RC3H2: variants seen among roughly 807,000 people sequenced by gnomAD.
RC3H2 encodes roquin-2.
In RC3H2, 31 loss-of-function variants were observed where a neutral mutation model predicts 133.3. The observed-to-expected ratio is 0.23, with a 90% CI of 0.17 to 0.31. RC3H2 has a LOEUF of 0.31. Among genes scored for constraint, RC3H2 ranks in the 10% least tolerant of loss-of-function variants. RC3H2 has a pLI of 1.00. For synonymous variants in RC3H2, 517 were observed against 502.2 expected (o/e 1.03, Z -0.40); for missense variants, 1,175 against 1,437.2 (o/e 0.82, Z 2.95).
chr9:122,865,702 C>T (rs1484142095), intron 9 of RC3H2, 45 bp from the exon 10 acceptor site: 41 of 1,552,188 alleles, frequency 2.6e-5, no homozygotes, highest in Non-Finnish European at 3.6e-5. Flanking sequence ...TTCACTAAAT[C>T]TTACTCAAGA....
At chr9:122,894,885 C>A (rs1176835765) in intron 2 of RC3H2, among the ~76,000 whole-genome samples, 2 of 151,926 alleles carry the variant, frequency 1.3e-5, no homozygotes, top group Non-Finnish European at 2.9e-5. Flanking sequence ...ATCTCAACAA[C>A]AACAACAAAA....
At chr9:122,867,400 A>G (rs1442884594) in intron 9 of RC3H2, among the ~76,000 whole-genome samples, 2 of 134,176 alleles carry the variant, frequency 1.5e-5, no homozygotes, top group Non-Finnish European at 3.2e-5. Flanking sequence ...TCCGTCCGGG[A>G]GGGAGGTTGG....
rs1341455042 is a variant in RC3H2, at chr9:122,890,557, G to C, written c.350-12C>G. The C allele has an allele frequency of 1.9e-6, 3 of 1,563,566 alleles. No homozygotes were observed. The highest frequency in any genetic ancestry group is 1.4e-5 in the African/African-American group (1 of 72,768). ...CAAGCTAGCTACACCTTTAGGAAAA[G>C]GGAAACAAAGGGAGCTAAAGTTTTT... On this transcript the variant is annotated splice_polypyrimidine_tract_variant and intron_variant, in intron 3 of 20. Transcript: ENST00000357244.
chr9:122,866,991 T>A (rs1830710575), intron 9 of RC3H2, among the ~76,000 whole-genome samples: 1 of 126,310 alleles, frequency 7.9e-6, no homozygotes, highest in African/African-American at 3.1e-5. Flanking sequence ...TTGTCTGAGA[T>A]GTGGGGAGCG....
chr9:122,863,177 T>A (rs1257711989), intron 10 of RC3H2, among the ~76,000 whole-genome samples: 1 of 152,208 alleles, frequency 6.6e-6, no homozygotes, highest in Non-Finnish European at 1.5e-5. Flanking sequence ...AATGTGACCT[T>A]TTGTATCTGG....
In RC3H2 at chr9:122,845,805, A is replaced by G. The variant is rs1389956739; in HGVS notation, c.*3822T>C. On this transcript the variant is annotated 3_prime_UTR_variant, in exon 21 of 21. Coordinates refer to ENST00000357244, the MANE Select transcript of RC3H2 (RefSeq NM_001100588.3). ...GGGGTCCTTATGTAGAAGGAGTTAC[A>G]GTAAGTGATCCCATCAAGCCTCTTC... 1 of 152,212 alleles carries G rather than the reference A, an allele frequency of 6.6e-6. No individual in the cohort carries two copies. The highest frequency in any genetic ancestry group is 2.4e-5 in the African/African-American group (1 of 41,434). 9.4% of individuals were successfully genotyped at this position (152,212 alleles called of 1,614,324 possible). A position where few individuals can be genotyped will look rare whatever the true frequency, so the allele number is the denominator to read the frequency against.
At chr9:122,854,369 C>G (rs1023894350) in intron 16 of RC3H2, 103 bp from the exon 17 acceptor site, 1 of 1,224,410 alleles carries the variant, frequency 8.2e-7, no homozygotes, top group Non-Finnish European at 1.2e-6. Context: ...CTGAAAACTT[C>G]ACTCATCGTT....
chr9:122,857,885 C>T (rs779374237), intron 13 of RC3H2, 38 bp downstream of exon 13: 2 of 1,570,220 alleles, frequency 1.3e-6, no homozygotes, highest in South Asian at 2.3e-5. Context: ...GCTGTTTGAC[C>T]TATCCCTGCA....
chr9:122,866,435 C>T lies in RC3H2; in HGVS notation c.1326-778G>A, dbSNP rs867288340. ...CGGTCTCCCTCTCCCTCTCTTTCCA[C>T]GGTCTCCCTCTGATGCCGAGCCGAA... On this transcript the variant is annotated intron_variant, in intron 9 of 20. Transcript: ENST00000357244. Among the ~76,000 whole-genome samples the T allele has an allele frequency of 8.9e-5, 13 of 146,730 alleles. 1 individual carries two copies. Among genetic ancestry groups the T allele is most frequent in the Middle Eastern group, 6.8e-3 (2 of 292 alleles).
At chr9:122,860,183 T>A (rs1302867366) in intron 10 of RC3H2, 52 bp from the exon 11 acceptor site, 21 of 1,304,454 alleles carry the variant, frequency 1.6e-5, no homozygotes, top group Non-Finnish European at 2.3e-5. Flanking sequence ...TCTATGACTG[T>A]CCTCCTTACT....
chr9:122,867,867 G>GC (rs1463539205), intron 9 of RC3H2, among the ~76,000 whole-genome samples: 3 of 85,280 alleles, frequency 3.5e-5, no homozygotes, highest in South Asian at 5.3e-4. Flanking sequence ...TCTCCGCCCG[G>GC]CAGCCACCCC....
intron 2 of RC3H2, 81 bp downstream of exon 2, chr9:122,897,198 C>G (rs1405470080): frequency 8.0e-7 from 1 of 1,251,990 alleles, no homozygotes; most frequent in Non-Finnish European, 1.1e-6. Context: ...ATGTAGCCTG[C>G]AGGCTGGACA....
At chr9:122,855,152 A>G (rs750582190) in intron 15 of RC3H2, 32 bp downstream of exon 15, 14 of 1,524,646 alleles carry the variant, frequency 9.2e-6, no homozygotes, top group South Asian at 3.4e-5. Flanking sequence ...TGCTTAGAAC[A>G]TATCAGGCTA....
rs201732933 is a variant in RC3H2 at position 122,864,897 on chromosome 9, T to C, written c.1634+452A>G. 2.3e-3 allele frequency among the ~76,000 whole-genome samples: 353 copies of C among 152,200 alleles called. 9 individuals are homozygous for C. In the East Asian group the frequency reaches 0.056, roughly 24 times the overall value. ...CCTCAGCCTCCAAAAGTGCTGGGAT[T>C]ACAGGTGTGAACCACTGCACCCGGC... On this transcript the variant is annotated intron_variant, in intron 10 of 20. Transcript: ENST00000357244.
In RC3H2 at chr9:122,855,757, A is replaced by G. The variant is rs1288821462; in HGVS notation, c.2576T>C (p.Ile859Thr). The G allele has an allele frequency of 6.2e-7, 1 of 1,612,970 alleles. No homozygotes were observed. Among genetic ancestry groups the G allele is most frequent in the African/African-American group, 1.3e-5 (1 of 74,906 alleles). ...NAIDSEPKDVIANSNAVLMDL... is the reference protein window; with the variant it reads ...NAIDSEPKDVTANSNAVLMDL... ...CATTAACACAGCATTTGAATTAGCA[A>G]TGACATCTTTGGGCTCTGAATCAAT... Residue 859 changes from isoleucine to threonine, a missense_variant, in exon 14 of 21, where the codon ATT (isoleucine) becomes ACT (threonine). By Grantham distance (89) the Ile-to-Thr change is moderately conservative (BLOSUM62 -1). This residue lies in a region of RC3H2 where 138 missense variants were observed against 215.0 expected (regional missense o/e 0.64). Coordinates refer to ENST00000357244, the MANE Select transcript of RC3H2 (RefSeq NM_001100588.3).
intron 5 of RC3H2, among the ~76,000 whole-genome samples, chr9:122,882,861 T>G (rs1831711779): frequency 6.6e-6 from 1 of 152,182 alleles, no homozygotes; most frequent in African/African-American, 2.4e-5. Context: ...GTTTACATAC[T>G]CCTTATGAAG....
In RC3H2 at chr9:122,905,230, A is replaced by G. The variant is rs1832797070; in HGVS notation, c.-188T>C. On this transcript the variant is annotated 5_prime_UTR_variant, in exon 1 of 21. Transcript: ENST00000357244. ...GCTCGGCGGAGGTTTCACGACCTCA[A>G]ACTCCATCGGGAGCTACAGGGACAG... is the stretch of plus-strand genomic sequence containing the variant. 2 of 985,496 alleles carry G rather than the reference A, an allele frequency of 2.0e-6. No individual in the cohort carries two copies. 61.0% of individuals were successfully genotyped at this position (985,496 alleles called of 1,614,324 possible).
In RC3H2 at chr9:122,859,958, C is replaced by T; in HGVS notation, c.1808G>A (p.Arg603Lys). 1 of 1,614,006 alleles carries T rather than the reference C, an allele frequency of 6.2e-7. No homozygotes were observed. The highest frequency in any genetic ancestry group is 8.5e-7 in the Non-Finnish European group (1 of 1,179,970). ...TGGGACTTCAAAGGGTATCTGAGTC[C>T]TTGGATCTTGAAAATACTGAATGTT... ...SENIQYFQDP[R>K]TQIPFEVPQY... The change falls in exon 11 of 21, where the codon AGG (arginine) becomes AAG (lysine). Residue 603 changes from arginine (R) to lysine (K), a missense_variant. By Grantham distance (26) the Arg-to-Lys change is conservative (BLOSUM62 2). Coordinates refer to ENST00000357244, the MANE Select transcript of RC3H2 (RefSeq NM_001100588.3).
intron 9 of RC3H2, among the ~76,000 whole-genome samples, chr9:122,871,997 C>T (rs1831123784): frequency 6.6e-6 from 1 of 151,996 alleles, no homozygotes; most frequent in Non-Finnish European, 1.5e-5. Context: ...AGGCTGGTCA[C>T]AAACTCCTGA....
Sources: allele counts gnomAD v4.1 joint callset (sites outside exome capture counted in the v4.1 genomes callset), GRCh38; gene constraint gnomAD v4.1.1; regional missense constraint gnomAD v4.1.1; transcripts MANE v1.5; gene names NCBI Gene and HGNC (gene_info 2026-07-23, HGNC 2026-07-21).